PRKN: variants seen among roughly 807,000 people sequenced by gnomAD.
PRKN encodes the protein E3 ubiquitin-protein ligase parkin.
PRKN carries 56 observed loss-of-function variants against 59.5 expected under a neutral mutation model. That is an observed-to-expected ratio of 0.94 (90% CI 0.76 to 1.18). The LOEUF is 1.18. PRKN is among the 50% of genes most tolerant of loss of function. PRKN has a pLI of 0.00. For synonymous variants in PRKN, 250 were observed against 222.1 expected, an observed-to-expected ratio of 1.13 and a Z score of -1.12; for missense variants, 657 against 596.4, an observed-to-expected ratio of 1.10 and a Z score of -1.06.
chr6:162,442,299 G>A (rs761345292), intron 2 of PRKN, among the ~76,000 whole-genome samples: 3 of 152,176 alleles, frequency 2.0e-5, no homozygotes, highest in Non-Finnish European at 4.4e-5. Context: ...CCCCCTGCGC[G>A]GAGCAGTGAT....
intron 4 of PRKN, among the ~76,000 whole-genome samples, chr6:162,197,284 G>A (rs928029810): frequency 3.9e-5 from 6 of 152,050 alleles, no homozygotes; most frequent in African/African-American, 9.7e-5. Flanking sequence ...GTGACTGGTC[G>A]GCTGATCCAC....
At position 161,409,423 on chromosome 6, in the gene PRKN, C is replaced by T. The variant is rs895231638; in HGVS notation, c.1084-22546G>A. On this transcript the variant is annotated intron_variant, in intron 9 of 11. Coordinates refer to ENST00000366898, the MANE Select transcript of PRKN (RefSeq NM_004562.3). The surrounding 1 kb of genome is among the most constrained non-coding windows in gnomAD (Gnocchi z 4.6). The stretch of plus-strand genomic sequence containing the variant: ...CCAGAAGAAATTACCAAATGGCACA[C>T]AAAAACGCAGTGTGCTGACACTAAT... Among the ~76,000 whole-genome samples, 3 of 152,144 alleles carry T rather than the reference C, an allele frequency of 2.0e-5. No homozygotes were observed. Among genetic ancestry groups the T allele is most frequent in the African/African-American group, 7.2e-5 (3 of 41,430 alleles).
intron 2 of PRKN, among the ~76,000 whole-genome samples, chr6:162,418,888 C>G (rs1176897220): frequency 1.3e-5 from 2 of 151,862 alleles, no homozygotes; most frequent in Non-Finnish European, 2.9e-5. Flanking sequence ...CAGCTAGAAT[C>G]ATCTGCGAGG....
chr6:162,188,481 T>A (rs1784122181), intron 4 of PRKN, among the ~76,000 whole-genome samples: 1 of 152,142 alleles, frequency 6.6e-6, no homozygotes, highest in Non-Finnish European at 1.5e-5. Flanking sequence ...TTCTCTACAG[T>A]CAGTACTGGA....
At chr6:162,426,255 T>C (rs1789232985) in intron 2 of PRKN, among the ~76,000 whole-genome samples, 1 of 151,608 alleles carries the variant, frequency 6.6e-6, no homozygotes, top group East Asian at 1.9e-4. Flanking sequence ...CAGAACAGAG[T>C]AGACGGTTCA....
At chr6:161,711,594 T>G (rs1308121693) in intron 7 of PRKN, among the ~76,000 whole-genome samples, 1 of 152,158 alleles carries the variant, frequency 6.6e-6, no homozygotes, top group African/African-American at 2.4e-5. Context: ...TTTGATTGGA[T>G]TGAAGGATGC....
chr6:161,457,059 C>T lies in PRKN; in HGVS notation c.1084-70182G>A. On this transcript the variant is annotated intron_variant, in intron 9 of 11. Transcript: ENST00000366898. The surrounding 1 kb of genome is among the most constrained non-coding windows in gnomAD (Gnocchi z 5.0). ...AGAGCAAGGCTGAATAGTCCAACTT[C>T]CTCCTTTAACAAATATCCACTGAGC... 6.6e-6 allele frequency among the ~76,000 whole-genome samples: 1 copy of T among 152,212 alleles called. No homozygotes were observed.
intron 7 of PRKN, among the ~76,000 whole-genome samples, chr6:161,765,949 A>C (rs560615432): frequency 6.6e-6 from 1 of 152,212 alleles, no homozygotes; most frequent in Non-Finnish European, 1.5e-5. Context: ...TTTTGAAGGC[A>C]AAGTGTCCCA....
intron 1 of PRKN, among the ~76,000 whole-genome samples, chr6:162,463,546 G>C (rs569028194): frequency 1.3e-5 from 2 of 152,142 alleles, no homozygotes; most frequent in South Asian, 4.2e-4. Flanking sequence ...CCTGAGCTCC[G>C]GGTTCCTCTC....
intron 1 of PRKN, among the ~76,000 whole-genome samples, chr6:162,687,536 C>A (rs987859559): frequency 4.6e-5 from 7 of 152,132 alleles, no homozygotes; most frequent in African/African-American, 1.7e-4. Context: ...CAGATAAATT[C>A]AATTTACTGC....
Position 161,532,727 on chromosome 6 carries a change from G to A in PRKN, c.1083+16127C>T, listed in dbSNP as rs140683433. Among the ~76,000 whole-genome samples, 1,142 of 152,252 alleles carry A rather than the reference G, an allele frequency of 7.5e-3. 11 individuals are homozygous for A. The highest frequency in any genetic ancestry group is 0.021 in the African/African-American group (880 of 41,546). ...TATGGCTGGAATGTCATGGTCAGAA[G>A]GTCTTTCCTGTCTTTCACTTTTTCA... On this transcript the variant is annotated intron_variant, in intron 9 of 11. Coordinates refer to ENST00000366898, the MANE Select transcript of PRKN (RefSeq NM_004562.3).
intron 2 of PRKN, among the ~76,000 whole-genome samples, chr6:162,346,354 A>G (rs907867380): frequency 1.3e-5 from 2 of 151,124 alleles, no homozygotes; most frequent in African/African-American, 4.9e-5. Flanking sequence ...AGTGGCTCAC[A>G]CCTGTAATCT....
intron 2 of PRKN, among the ~76,000 whole-genome samples, chr6:162,359,077 AAAATATAT>A (rs1174960268): frequency 3.1e-5 from 3 of 96,244 alleles, no homozygotes; most frequent in African/African-American, 1.7e-4. Flanking sequence ...AAAAAAAAAA[AAAATATAT>A]ATATATATAT....
chr6:161,921,358 T>A (rs1388415975), intron 6 of PRKN, among the ~76,000 whole-genome samples: 2 of 152,208 alleles, frequency 1.3e-5, no homozygotes, highest in East Asian at 3.8e-4. Context: ...TGCCTGAGAC[T>A]GCTTTACCGT....
At chr6:162,160,890 CAAAAAA>C (rs56320816) in intron 4 of PRKN, among the ~76,000 whole-genome samples, 2 of 80,264 alleles carry the variant, frequency 2.5e-5, no homozygotes, top group African/African-American at 1.1e-4. Context: ...GACTCCGTCT[CAAAAAA>C]AAAAAAAAAA....
At chr6:162,099,145 C>T (rs895816835) in intron 4 of PRKN, among the ~76,000 whole-genome samples, 1 of 152,096 alleles carries the variant, frequency 6.6e-6, no homozygotes, top group Non-Finnish European at 1.5e-5. Context: ...ACTTTAACAC[C>T]GTTGAAATTC....
intron 1 of PRKN, among the ~76,000 whole-genome samples, chr6:162,713,305 T>C (rs1218767159): frequency 6.6e-6 from 1 of 152,024 alleles, no homozygotes; most frequent in Non-Finnish European, 1.5e-5. Context: ...CCATCCTGGC[T>C]AACACAGTGA....
rs140037504 is a variant in PRKN at position 162,453,308 on chromosome 6, T to C, written c.8-9835A>G. On this transcript the variant is annotated intron_variant, in intron 1 of 11. Coordinates refer to ENST00000366898, the MANE Select transcript of PRKN (RefSeq NM_004562.3). ...TGACGAGGGTGTATCTCCAGTAGAATTCCCTCCTCTCTCTCTTTTTCCTTC... is the reference window on the plus strand; with the variant it reads ...TGACGAGGGTGTATCTCCAGTAGAACTCCCTCCTCTCTCTCTTTTTCCTTC... Among the ~76,000 whole-genome samples the C allele has an allele frequency of 6.7e-3, 1,027 of 152,294 alleles. 15 individuals are homozygous for C. The highest frequency in any genetic ancestry group is 8.9e-3 in the Admixed American group (136 of 15,294).
chr6:161,717,852 G>T (rs75019335), intron 7 of PRKN, among the ~76,000 whole-genome samples: 3,725 of 152,198 alleles, frequency 0.024, 154 homozygotes, highest in African/African-American at 0.084. Context: ...CTTCCATCCC[G>T]CTGTGCTCAT....
Sources: allele counts gnomAD v4.1 joint callset (sites outside exome capture counted in the v4.1 genomes callset), GRCh38; gene constraint gnomAD v4.1.1; non-coding constraint Gnocchi (gnomAD v3.1); transcripts MANE v1.5; gene names NCBI Gene and HGNC (gene_info 2026-07-23, HGNC 2026-07-21).